LMO7: variants seen among roughly 807,000 people sequenced by gnomAD.
LMO7 encodes LIM domain only protein 7.
In LMO7, 120 loss-of-function variants were observed where a neutral mutation model predicts 206.5. That is an observed-to-expected ratio of 0.58 (90% CI 0.50 to 0.68). The LOEUF (loss-of-function observed/expected upper bound fraction) is 0.68, where lower values mean the gene tolerates loss of function less well. Ranked by LOEUF, LMO7 falls within the 30% of genes least tolerant of loss-of-function variation. The pLI is 0.00. For missense variants in LMO7, 1,959 were observed against 1,957.9 expected (o/e 1.00, Z -0.01); for synonymous variants, 706 against 681.5 (o/e 1.04, Z -0.56).
chr13:75,685,792 G>A (rs2040922401), intron 1 of LMO7, among the ~76,000 whole-genome samples: 1 of 152,064 alleles, frequency 6.6e-6, no homozygotes, highest in East Asian at 1.9e-4. Context: ...CATGAAATGA[G>A]GGATGATAAA....
At chr13:75,777,906 A>G (rs2050753436) in intron 4 of LMO7, among the ~76,000 whole-genome samples, 2 of 152,104 alleles carry the variant, frequency 1.3e-5, no homozygotes, top group Admixed American at 6.5e-5. Context: ...CGGCCTCCCA[A>G]AGTGCTGGGA....
Position 75,858,061 on chromosome 13 carries a change from CT to C in LMO7, c.*125del, listed in dbSNP as rs764852317. ...GCTTTTTTTTTAAAAAAAAGAATAACTTTTTTTGCCTCTTTAGATTACATAG... is the reference window on the plus strand; with the variant it reads ...GCTTTTTTTTTAAAAAAAAGAATAACTTTTTTGCCTCTTTAGATTACATAG... On this transcript the variant is annotated 3_prime_UTR_variant, in exon 31 of 31. Transcript: ENST00000377534. 1.6e-5 allele frequency: 19 copies of C among 1,199,668 alleles called. No homozygotes were observed. Among genetic ancestry groups the C allele is most frequent in the Admixed American group, 6.9e-5 (3 of 43,600 alleles). The allele number at this position is 1,199,668 out of a possible 1,614,324, so 74.3% of individuals were successfully genotyped here.
In LMO7 at chr13:75,821,274, G is replaced by T; in HGVS notation, c.2305G>T (p.Val769Leu). Residue 769 changes from valine to leucine, a missense_variant, in exon 14 of 31, where the codon GTG becomes TTG. Transcript: ENST00000377534. ...EEGKRPPTMTVSEASYQSERV... is the reference protein window; with the variant it reads ...EEGKRPPTMTLSEASYQSERV... ...AGGAAAGCGACCCCCTACAATGACT[G>T]TGTCAGAAGCAAGTTACCAGAGTGA... 6.2e-7 allele frequency: 1 copy of T among 1,614,020 alleles called. No individual in the cohort carries two copies. The highest frequency in any genetic ancestry group is 8.5e-7 in the Non-Finnish European group (1 of 1,179,884).
chr13:75,697,142 A>G (rs565427924), intron 1 of LMO7, among the ~76,000 whole-genome samples: 13 of 152,154 alleles, frequency 8.5e-5, no homozygotes, highest in Non-Finnish European at 1.8e-4. Context: ...AGGTGGAAGC[A>G]GAGAGAGCTA....
At chr13:75,720,352 C>T (rs995785524) in intron 2 of LMO7, among the ~76,000 whole-genome samples, 2 of 152,076 alleles carry the variant, frequency 1.3e-5, no homozygotes, top group African/African-American at 4.8e-5. Context: ...TCCAGTGTGT[C>T]AATTATTTCT....
At chr13:75,684,572 A>G (rs1356172969) in intron 1 of LMO7, among the ~76,000 whole-genome samples, 4 of 148,636 alleles carry the variant, frequency 2.7e-5, no homozygotes, top group African/African-American at 7.4e-5. Context: ...TTTTTAAACA[A>G]GTTTTACCAT....
chr13:75,773,856 C>T lies in LMO7; in HGVS notation c.317+12818C>T, dbSNP rs141617503. Among the ~76,000 whole-genome samples, 11 of 152,224 alleles carry T rather than the reference C, an allele frequency of 7.2e-5. No individual in the cohort carries two copies. In the East Asian group the frequency reaches 2.1e-3, roughly 29 times the overall value. On this transcript the variant is annotated intron_variant, in intron 4 of 30. Coordinates refer to ENST00000377534, the MANE Select transcript of LMO7 (RefSeq NM_001306080.2). The stretch of plus-strand genomic sequence containing the variant: ...ATTTGTAGGAAAACAAAGTCCAGCT[C>T]TGAGGAAGTGAAGGTGGAAAGAGAA...
chr13:75,746,296 G>C (rs2046833110), intron 3 of LMO7, among the ~76,000 whole-genome samples: 1 of 152,162 alleles, frequency 6.6e-6, no homozygotes, highest in African/African-American at 2.4e-5. Flanking sequence ...GAGTGATGTA[G>C]ATTTTAAATG....
intron 11 of LMO7, chr13:75,816,869 A>G (rs1408430895): frequency 4.5e-6 from 1 of 221,778 alleles, no homozygotes; most frequent in East Asian, 9.0e-5. Context: ...TTAAATATGA[A>G]CCTTGGGTTT....
intron 19 of LMO7, among the ~76,000 whole-genome samples, chr13:75,837,353 C>T (rs796264708): frequency 1.4e-4 from 22 of 152,154 alleles, no homozygotes; most frequent in African/African-American, 4.6e-4. Flanking sequence ...TGTAAAGCAC[C>T]GGGTCCTATT....
chr13:75,856,288 A>G (rs2060936474), intron 29 of LMO7, among the ~76,000 whole-genome samples: 1 of 152,198 alleles, frequency 6.6e-6, no homozygotes, highest in Non-Finnish European at 1.5e-5. Context: ...TAGACTGGTC[A>G]TCTTGGCTCT....
intron 19 of LMO7, among the ~76,000 whole-genome samples, chr13:75,837,433 C>A (rs569830766): frequency 6.6e-6 from 1 of 152,202 alleles, no homozygotes; most frequent in African/African-American, 2.4e-5. Context: ...TATACGTGGG[C>A]CCTGTCATTG....
At chr13:75,829,076 T>A (rs912106313) in intron 15 of LMO7, among the ~76,000 whole-genome samples, 30 of 152,276 alleles carry the variant, frequency 2.0e-4, no homozygotes, top group African/African-American at 6.5e-4. Context: ...GTTTTCGAAT[T>A]GTTGGACTTA....
intron 1 of LMO7, among the ~76,000 whole-genome samples, chr13:75,663,432 C>CTTTCTTTTTTTT (rs1555289857): frequency 1.1e-4 from 12 of 111,396 alleles, no homozygotes; most frequent in Non-Finnish European, 1.6e-4. Context: ...TTCTTTCTTT[C>CTTTCTTTTTTTT]TTTTTTTTTT....
At chr13:75,651,447 C>T (rs2037555361) in intron 1 of LMO7, among the ~76,000 whole-genome samples, 1 of 151,864 alleles carries the variant, frequency 6.6e-6, no homozygotes, top group African/African-American at 2.4e-5. Flanking sequence ...GTGGCTGGGA[C>T]TACAGGCACG....
chr13:75,645,112 TA>T (rs1249279487), intron 1 of LMO7, among the ~76,000 whole-genome samples: 8 of 152,266 alleles, frequency 5.3e-5, no homozygotes, highest in Admixed American at 1.3e-4. Flanking sequence ...CTATAATTTA[TA>T]AAAGTATCAT....
chr13:75,700,320 A>G (rs1032404956), intron 1 of LMO7, among the ~76,000 whole-genome samples: 7 of 152,222 alleles, frequency 4.6e-5, no homozygotes, highest in African/African-American at 1.7e-4. Context: ...GAAGTGATAA[A>G]TGTCCATGAA....
At chr13:75,820,830 T>C (rs2057495421) in intron 13 of LMO7, among the ~76,000 whole-genome samples, 1 of 151,948 alleles carries the variant, frequency 6.6e-6, no homozygotes, top group Admixed American at 6.6e-5. Context: ...TCATCTCTAC[T>C]AAAAATTAAA....
intron 9 of LMO7, chr13:75,806,107 G>A (rs937536410): frequency 1.3e-5 from 14 of 1,045,996 alleles, no homozygotes; most frequent in Non-Finnish European, 1.6e-5. Flanking sequence ...TGACAGAAGC[G>A]CCACCGTTTT....
Sources: gnomAD v4.1 joint callset for allele counts (sites outside exome capture counted in the v4.1 genomes callset) on GRCh38, gnomAD v4.1.1 for gene constraint, MANE v1.5 for transcripts, NCBI Gene and HGNC (gene_info 2026-07-23, HGNC 2026-07-21) for gene names.